Variants in DPH6 observed in about 807,000 individuals in gnomAD.
DPH6 encodes diphthine--ammonia ligase.
In DPH6, 33 loss-of-function variants were observed where a neutral mutation model predicts 38.2. The ratio of observed to expected loss-of-function variants is 0.86; its 90% confidence interval spans 0.65 to 1.15. The LOEUF is 1.15. DPH6 is among the 50% of genes most tolerant of loss of function. DPH6 has a pLI of 0.00. For missense variants in DPH6, 325 were observed against 320.0 expected, an observed-to-expected ratio of 1.02 and a Z score of -0.12; for synonymous variants, 108 against 103.0, an observed-to-expected ratio of 1.05 and a Z score of -0.30.
intron 3 of DPH6, among the ~76,000 whole-genome samples, chr15:35,255,558 G>A (rs1039093892): frequency 6.6e-6 from 1 of 151,932 alleles, no homozygotes; most frequent in Admixed American, 6.6e-5. Context: ...TGTTACTTTA[G>A]TTTCAGATGT....
chr15:35,224,163 G>A (rs1053644057), intron 3 of DPH6, among the ~76,000 whole-genome samples: 1 of 136,842 alleles, frequency 7.3e-6, no homozygotes, highest in African/African-American at 2.8e-5. Flanking sequence ...CTAGAGTGCA[G>A]TGGTGTGATC....
intron 3 of DPH6, among the ~76,000 whole-genome samples, chr15:35,348,782 G>A (rs1199090620): frequency 2.0e-5 from 3 of 151,900 alleles, no homozygotes; most frequent in Admixed American, 6.6e-5. Flanking sequence ...CCATGATCAC[G>A]GGATGTCTTC....
chr15:35,149,645 T>A, the DPH6 span, among the ~76,000 whole-genome samples: 3 of 152,242 alleles, frequency 2.0e-5, no homozygotes, highest in Admixed American at 1.3e-4. Flanking sequence ...CTGGCCTGGC[T>A]ATCACCATGC....
intron 3 of DPH6, among the ~76,000 whole-genome samples, chr15:35,225,700 A>G (rs1272359773): frequency 6.6e-6 from 1 of 152,196 alleles, no homozygotes; most frequent in Admixed American, 6.5e-5. Flanking sequence ...GTATTTTGAA[A>G]CAAAGATCCA....
intron 3 of DPH6, among the ~76,000 whole-genome samples, chr15:35,223,816 T>C (rs1595434636): frequency 6.6e-6 from 1 of 152,110 alleles, no homozygotes; most frequent in East Asian, 1.9e-4. Context: ...CCCTTTGTGT[T>C]GAACTTTCTG....
intron 3 of DPH6, among the ~76,000 whole-genome samples, chr15:35,490,665 T>G (rs576454150): frequency 7.2e-5 from 11 of 152,134 alleles, no homozygotes; most frequent in Non-Finnish European, 1.2e-4. Context: ...ACATTTCATC[T>G]AAAATAATAA....
At chr15:35,279,062 A>AT (rs1454693937) in intron 3 of DPH6, among the ~76,000 whole-genome samples, 3 of 122,016 alleles carry the variant, frequency 2.5e-5, no homozygotes, top group African/African-American at 1.1e-4. Flanking sequence ...AAAAAAAAAA[A>AT]AAAAAAATAT....
intron 3 of DPH6, among the ~76,000 whole-genome samples, chr15:35,281,562 T>C (rs1407221450): frequency 6.6e-6 from 1 of 152,238 alleles, no homozygotes; most frequent in Non-Finnish European, 1.5e-5. Context: ...TTCTTTTTTA[T>C]AGCTTTTAAC....
chr15:35,248,992 G>A (rs2051654452), intron 3 of DPH6, among the ~76,000 whole-genome samples: 1 of 152,130 alleles, frequency 6.6e-6, no homozygotes, highest in Non-Finnish European at 1.5e-5. Flanking sequence ...TAAAGTATCA[G>A]CATAACAATG....
intron 3 of DPH6, among the ~76,000 whole-genome samples, chr15:35,308,167 G>A (rs2052109310): frequency 6.6e-6 from 1 of 152,052 alleles, no homozygotes; most frequent in Non-Finnish European, 1.5e-5. Flanking sequence ...TACTCAGGAA[G>A]GTGAGGTGGG....
intron 3 of DPH6, among the ~76,000 whole-genome samples, chr15:35,487,088 C>A (rs1177762565): frequency 6.6e-6 from 1 of 152,182 alleles, no homozygotes; most frequent in Non-Finnish European, 1.5e-5. Flanking sequence ...AGGCCTTGGG[C>A]AGCTCTACCC....
intron 7 of DPH6, among the ~76,000 whole-genome samples, chr15:35,378,452 T>C (rs763133232): frequency 6.6e-6 from 1 of 152,196 alleles, no homozygotes; most frequent in Non-Finnish European, 1.5e-5. Flanking sequence ...AGAAATACCA[T>C]TTGACGCAGC....
chr15:35,479,552 T>C (rs1212671420), intron 3 of DPH6, among the ~76,000 whole-genome samples: 1 of 152,080 alleles, frequency 6.6e-6, no homozygotes, highest in African/African-American at 2.4e-5. Flanking sequence ...CCAAGACTTC[T>C]ACAAATTTCA....
intron 3 of DPH6, among the ~76,000 whole-genome samples, chr15:35,304,328 A>C (rs2052073774): frequency 6.6e-6 from 1 of 152,128 alleles, no homozygotes; most frequent in Non-Finnish European, 1.5e-5. Context: ...TGATTTTATC[A>C]GAATATTATT....
chr15:35,389,609 C>G (rs759579263), intron 6 of DPH6, among the ~76,000 whole-genome samples: 1 of 152,178 alleles, frequency 6.6e-6, no homozygotes, highest in African/African-American at 2.4e-5. Context: ...CCTTCTTTGT[C>G]TCTTTCGATC....
chr15:35,502,943 T>C (rs1177886885), intron 3 of DPH6, among the ~76,000 whole-genome samples: 1 of 148,010 alleles, frequency 6.8e-6, no homozygotes, highest in Non-Finnish European at 1.5e-5. Flanking sequence ...TAAATATATA[T>C]ATACACACAC....
chr15:35,262,578 C>A (rs990003366), intron 3 of DPH6, among the ~76,000 whole-genome samples: 1 of 151,722 alleles, frequency 6.6e-6, no homozygotes, highest in African/African-American at 2.4e-5. Context: ...TGGTGGCGGG[C>A]GCCTGTAGTC....
At chr15:35,274,491 A>G (rs146614466) in intron 3 of DPH6, among the ~76,000 whole-genome samples, 15 of 152,312 alleles carry the variant, frequency 9.8e-5, no homozygotes, top group African/African-American at 3.6e-4. Flanking sequence ...TTTGCAATCT[A>G]TCCATCTGAC....
rs878975741 is a variant in DPH6 at position 35,237,932 on chromosome 15, G to A, written n.201-17350C>T. On this transcript the variant is annotated intron_variant and non_coding_transcript_variant, in intron 3 of 3. Coordinates refer to the DPH6 transcript ENST00000560386. ...TGAAGAGGAGGACGTGAGTGGAGAGGAGGAGGAGGATGAAAAAGGTTATAA... is the reference window on the plus strand; with the variant it reads ...TGAAGAGGAGGACGTGAGTGGAGAGAAGGAGGAGGATGAAAAAGGTTATAA... 9.3e-6 allele frequency: 13 copies of A among 1,393,008 alleles called. No homozygotes were observed. In the South Asian group the frequency reaches 1.4e-4, roughly 15 times the overall value. The allele number at this position is 1,393,008 out of a possible 1,614,324, so 86.3% of individuals were successfully genotyped here.
Sources: allele counts gnomAD v4.1 joint callset (sites outside exome capture counted in the v4.1 genomes callset), GRCh38; gene constraint gnomAD v4.1.1; transcripts MANE v1.5; gene names NCBI Gene and HGNC (gene_info 2026-07-23, HGNC 2026-07-21).